ATXN7L1: variants seen among roughly 807,000 people sequenced by gnomAD.
ATXN7L1 encodes the protein ataxin 7 like 1.
In ATXN7L1, 15 loss-of-function variants were observed where a neutral mutation model predicts 70.8. The observed-to-expected ratio is 0.21, with a 90% CI of 0.14 to 0.33. The LOEUF (loss-of-function observed/expected upper bound fraction) is 0.33, where lower values mean the gene tolerates loss of function less well. Ranked by LOEUF, ATXN7L1 falls within the 10% of genes least tolerant of loss-of-function variation. The pLI is 1.00. For missense variants in ATXN7L1, 975 were observed against 1,097.1 expected (o/e 0.89, Z 1.57); for synonymous variants, 440 against 445.1 (o/e 0.99, Z 0.14).
chr7:105,634,478 C>A (rs768592675), intron 7 of ATXN7L1, among the ~76,000 whole-genome samples: 3 of 152,128 alleles, frequency 2.0e-5, no homozygotes, highest in Non-Finnish European at 4.4e-5. Flanking sequence ...TTCCAGCCAC[C>A]TTAGGTGAGT....
chr7:105,723,569 C>G (rs977968581), intron 3 of ATXN7L1, among the ~76,000 whole-genome samples: 1 of 152,030 alleles, frequency 6.6e-6, no homozygotes, highest in South Asian at 2.1e-4. Flanking sequence ...ACACACTAGC[C>G]AAAGGGAGAG....
intron 2 of ATXN7L1, among the ~76,000 whole-genome samples, chr7:105,874,920 C>T (rs1445713892): frequency 6.6e-6 from 1 of 152,216 alleles, no homozygotes; most frequent in African/African-American, 2.4e-5. Context: ...CCACCAACCT[C>T]TTCTGTCCCC....
chr7:105,671,281 C>A (rs377096746), intron 3 of ATXN7L1, among the ~76,000 whole-genome samples: 155 of 129,786 alleles, frequency 1.2e-3, no homozygotes, highest in South Asian at 1.8e-3. Context: ...GACTCCGTCT[C>A]AAAAAAAAAA....
At chr7:105,701,196 C>T (rs2116235554) in intron 3 of ATXN7L1, among the ~76,000 whole-genome samples, 1 of 152,168 alleles carries the variant, frequency 6.6e-6, no homozygotes, top group Non-Finnish European at 1.5e-5. Flanking sequence ...CAATCAGGCA[C>T]TAGTTAAATA....
rs563591320 is a variant in ATXN7L1, at chr7:105,801,610, T to C, written c.251-12902A>G. ...AAGGGGAAAGAGTGTTCTGTACATGTAGGGATACTGAGGGTACACCTGGCA... is the reference window on the plus strand; with the variant it reads ...AAGGGGAAAGAGTGTTCTGTACATGCAGGGATACTGAGGGTACACCTGGCA... On this transcript the variant is annotated intron_variant, in intron 2 of 11. Transcript: ENST00000419735. 2.6e-5 allele frequency among the ~76,000 whole-genome samples: 4 copies of C among 151,816 alleles called. No individual in the cohort carries two copies. In the East Asian group the frequency reaches 7.8e-4, roughly 30 times the overall value.
chr7:105,865,608 A>G (rs917134540), intron 2 of ATXN7L1, among the ~76,000 whole-genome samples: 7 of 152,032 alleles, frequency 4.6e-5, no homozygotes, highest in Admixed American at 1.3e-4. Flanking sequence ...TCACCGTGTT[A>G]GCCAGGATGG....
intron 3 of ATXN7L1, among the ~76,000 whole-genome samples, chr7:105,685,006 T>C (rs1805984737): frequency 3.3e-5 from 5 of 151,366 alleles, no homozygotes; most frequent in Admixed American, 2.6e-4. Flanking sequence ...TTACACACAA[T>C]GAGCAGTCCA....
intron 3 of ATXN7L1, among the ~76,000 whole-genome samples, chr7:105,668,230 T>TACAGAAAAAACCTTTTTTTTGAG (rs1320394411): frequency 6.6e-6 from 1 of 152,150 alleles, no homozygotes; most frequent in Non-Finnish European, 1.5e-5. Flanking sequence ...CTGCTAAATT[T>TACAGAAAAAACCTTTTTTTTGAG]ACAGAAAAAA....
At chr7:105,759,154 A>C (rs1358975881) in intron 3 of ATXN7L1, among the ~76,000 whole-genome samples, 6 of 112,958 alleles carry the variant, frequency 5.3e-5, no homozygotes, top group Non-Finnish European at 1.0e-4. Flanking sequence ...TTTTTAGTTT[A>C]TTCTTACTTT....
chr7:105,750,102 G>T (rs1292669382), intron 3 of ATXN7L1, among the ~76,000 whole-genome samples: 1 of 151,862 alleles, frequency 6.6e-6, no homozygotes, highest in Non-Finnish European at 1.5e-5. Context: ...TTTGAACCAT[G>T]TGTAGACTGC....
intron 2 of ATXN7L1, among the ~76,000 whole-genome samples, chr7:105,843,561 G>A (rs907143427): frequency 2.0e-5 from 3 of 152,248 alleles, no homozygotes; most frequent in African/African-American, 2.4e-5. Flanking sequence ...AGCCCTGTGA[G>A]CCTTTGACTC....
chr7:105,732,915 A>C (rs1796739378), intron 3 of ATXN7L1, among the ~76,000 whole-genome samples: 3 of 152,054 alleles, frequency 2.0e-5, no homozygotes, highest in African/African-American at 7.3e-5. Flanking sequence ...CCCCTAAAAA[A>C]CTTCCTGACT....
chr7:105,733,883 A>T (rs1350756503), intron 3 of ATXN7L1, among the ~76,000 whole-genome samples: 18 of 58,302 alleles, frequency 3.1e-4, no homozygotes, highest in East Asian at 5.1e-4. Context: ...TCCATCCATC[A>T]TCCATCATCC....
intron 4 of ATXN7L1, among the ~76,000 whole-genome samples, chr7:105,654,485 G>A (rs1413841809): frequency 6.6e-6 from 1 of 152,264 alleles, no homozygotes; most frequent in African/African-American, 2.4e-5. Flanking sequence ...GCAACACCGA[G>A]GGTGGTGCTC....
chr7:105,823,477 T>C (rs945675175), intron 2 of ATXN7L1, among the ~76,000 whole-genome samples: 2 of 152,204 alleles, frequency 1.3e-5, no homozygotes, highest in African/African-American at 4.8e-5. Flanking sequence ...CTCTGTGGCA[T>C]TCAAGAGCAT....
At chr7:105,727,756 A>AT (rs1796025209) in intron 3 of ATXN7L1, among the ~76,000 whole-genome samples, 3 of 86,626 alleles carry the variant, frequency 3.5e-5, no homozygotes, top group South Asian at 5.1e-4. Context: ...GTATATATAT[A>AT]TATATATATA....
chr7:105,653,825 G>C (rs533134756), intron 4 of ATXN7L1, among the ~76,000 whole-genome samples: 2 of 152,098 alleles, frequency 1.3e-5, no homozygotes, highest in East Asian at 3.9e-4. Flanking sequence ...CTCCGGCCTG[G>C]CTCTGTGCCT....
At chr7:105,761,573 A>C in intron 3 of ATXN7L1, 1 of 1,397,844 alleles carries the variant, frequency 7.2e-7, no homozygotes, top group Non-Finnish European at 9.8e-7. Context: ...TTTCCCCCTA[A>C]ATTAAACACT....
At chr7:105,616,766 C>G (rs1405841947) in intron 9 of ATXN7L1, among the ~76,000 whole-genome samples, 1 of 152,214 alleles carries the variant, frequency 6.6e-6, no homozygotes, top group African/African-American at 2.4e-5. Context: ...TGGCCCTGCA[C>G]AACCCCTTCC....
Sources: allele counts gnomAD v4.1 joint callset (sites outside exome capture counted in the v4.1 genomes callset), GRCh38; gene constraint gnomAD v4.1.1; transcripts MANE v1.5; gene names NCBI Gene and HGNC (gene_info 2026-07-23, HGNC 2026-07-21).